Variants in ABCA1 observed in about 807,000 individuals in gnomAD.
ABCA1 encodes the protein phospholipid-transporting ATPase ABCA1.
A neutral mutation model predicts 262.5 loss-of-function variants in ABCA1; 133 were observed. The ratio of observed to expected loss-of-function variants is 0.51; its 90% CI spans 0.44 to 0.59. The LOEUF is 0.59. ABCA1 is among the 20% of genes least tolerant of loss of function. The probability of loss-of-function intolerance (pLI) is 0.00; values close to 1 mark genes in which losing one functional copy is unlikely to be tolerated. For synonymous variants in ABCA1, 1,022 were observed against 1,043.5 expected (o/e 0.98, Z 0.40); for missense variants, 2,452 against 2,777.5 (o/e 0.88, Z 2.63).
intron 1 of ABCA1, among the ~76,000 whole-genome samples, chr9:104,913,916 C>T (rs1460475437): frequency 1.3e-5 from 2 of 152,098 alleles, no homozygotes; most frequent in African/African-American, 4.8e-5. Context: ...CTGCCTCAGC[C>T]TCCCGAGTAG....
At chr9:104,831,157 A>C in intron 13 of ABCA1, 56 bp from the exon 14 acceptor site, 1 of 1,441,186 alleles carries the variant, frequency 6.9e-7, no homozygotes, top group Non-Finnish European at 9.3e-7. Context: ...AATAAAAAAA[A>C]AAAAAAAAAA....
chr9:104,864,907 C>T (rs932275511), intron 5 of ABCA1, among the ~76,000 whole-genome samples: 4 of 152,214 alleles, frequency 2.6e-5, no homozygotes, highest in African/African-American at 9.7e-5. Flanking sequence ...CTCCAGCCTC[C>T]TATCAGTGAA....
chr9:104,922,224 T>C (rs903532270), intron 1 of ABCA1, among the ~76,000 whole-genome samples: 1 of 152,244 alleles, frequency 6.6e-6, no homozygotes, highest in Admixed American at 6.5e-5. Context: ...ATCAATTTTA[T>C]GTAAGCTTTT....
chr9:104,870,683 A>G (rs920986171), intron 5 of ABCA1, among the ~76,000 whole-genome samples: 4 of 152,156 alleles, frequency 2.6e-5, no homozygotes, highest in Non-Finnish European at 5.9e-5. Context: ...GTCTGTGTGA[A>G]GAGACCACCA....
rs760192129 is a variant in ABCA1, at chr9:104,825,735, A to C, written c.2490T>G (p.Phe830Leu). The C allele has an allele frequency of 6.2e-6, 10 of 1,614,262 alleles. No individual in the cohort carries two copies. The highest frequency in any genetic ancestry group is 7.6e-6 in the Non-Finnish European group (9 of 1,180,048). The change falls in exon 17 of 50, where the codon TTT becomes TTG. Residue 830 changes from phenylalanine (F) to leucine (L), a missense_variant. By Grantham distance (22) the Phe-to-Leu change is conservative (BLOSUM62 0). Around this residue, in one of 4 missense-constraint regions of ABCA1, gnomAD observed 1,032 missense variants for 1,089.7 expected, o/e 0.95. Coordinates refer to ENST00000374736, the MANE Select transcript of ABCA1 (RefSeq NM_005502.4). ...NLTTSVSMML[F>L]DTFLYGVMTW... ...TCATCACCCCATAGAGGAAGGTGTC[A>C]AACAGCATCATGGAGACCGAAGTGG...
Position 104,882,379 on chromosome 9 carries a change from C to T in ABCA1, c.421+660G>A, listed in dbSNP as rs557746333. On this transcript the variant is annotated intron_variant, in intron 5 of 49. Coordinates refer to ENST00000374736, the MANE Select transcript of ABCA1 (RefSeq NM_005502.4). ...ACTGGCTGCACTCAGCCAGCTGCTC[C>T]CACCAGCCTCTGTCCCCTTGCCAGG... Among the ~76,000 whole-genome samples the T allele has an allele frequency of 2.6e-5, 4 of 152,362 alleles. No homozygotes were observed. In the East Asian group the frequency reaches 5.8e-4, roughly 22 times the overall value.
At chr9:104,926,857 G>C (rs1826384572) in intron 1 of ABCA1, among the ~76,000 whole-genome samples, 1 of 152,228 alleles carries the variant, frequency 6.6e-6, no homozygotes, top group Admixed American at 6.5e-5. Flanking sequence ...ACGTGGGAGA[G>C]GGAGGATTGG....
rs747603093 is a variant in ABCA1 at position 104,812,680 on chromosome 9, C to T, written c.3944G>A (p.Gly1315Glu). Residue 1315 changes from glycine to glutamate, a missense_variant, in exon 28 of 50, where the codon GGG becomes GAG. Physicochemically the swap from Gly to Glu is moderately conservative, Grantham distance 98. Transcript: ENST00000374736. Reference protein sequence around the residue: ...TDLLSGMDGKGSYQVKGWKLT... With the variant: ...TDLLSGMDGKESYQVKGWKLT... ...TTTCCAGCCTTTCACCTGGTAGGAC[C>T]CTTTGCCATCCATCCCACTGAGCAA... The T allele has an allele frequency of 6.2e-7, 1 of 1,614,122 alleles. No individual in the cohort carries two copies. The highest frequency in any genetic ancestry group is 8.5e-7 in the Non-Finnish European group (1 of 1,180,052).
chr9:104,834,754 A>C (rs1015458687), intron 11 of ABCA1, among the ~76,000 whole-genome samples: 2 of 151,048 alleles, frequency 1.3e-5, no homozygotes, highest in African/African-American at 4.9e-5. Flanking sequence ...AATCAGTGTC[A>C]GAGGGTTCCA....
rs2150867 is a variant in ABCA1 at position 104,792,253 on chromosome 9, T to C, written c.5758-255A>G. ...TTTTTAGAACCGTATCATTCATTAT[T>C]ATCTACATAATTTTTCATCTATTCA... On this transcript the variant is annotated intron_variant, in intron 42 of 49. Transcript: ENST00000374736. 0.64 allele frequency among the ~76,000 whole-genome samples: 97,585 copies of C among 152,226 alleles called. 33,840 individuals carry two copies. Among genetic ancestry groups the C allele is most frequent in the Non-Finnish European group, 0.76 (51,748 of 68,014 alleles).
At chr9:104,894,648 C>G (rs1269550553) in intron 2 of ABCA1, among the ~76,000 whole-genome samples, 1 of 152,228 alleles carries the variant, frequency 6.6e-6, no homozygotes, top group African/African-American at 2.4e-5. Flanking sequence ...CAAAGCCACT[C>G]TGACTGAAGG....
At chr9:104,853,443 G>A (rs1835556821) in intron 7 of ABCA1, among the ~76,000 whole-genome samples, 1 of 152,168 alleles carries the variant, frequency 6.6e-6, no homozygotes, top group Non-Finnish European at 1.5e-5. Flanking sequence ...ACTGGAACGA[G>A]GACAGCTCTC....
rs1458690339 is a variant in ABCA1, at chr9:104,832,754, C to G, written c.1329G>C (p.Arg443Ser). The G allele has an allele frequency of 1.2e-6, 2 of 1,614,060 alleles. No individual in the cohort carries two copies. Among genetic ancestry groups the G allele is most frequent in the African/African-American group, 2.7e-5 (2 of 74,906 alleles). The change falls in exon 12 of 50, where the codon AGG (arginine) becomes AGC (serine). Residue 443 changes from arginine to serine, a missense_variant. By Grantham distance (110) the Arg-to-Ser change is moderately radical (BLOSUM62 -1). This residue lies in a region of ABCA1 where 1,032 missense variants were observed against 1,089.7 expected (regional missense o/e 0.95). Transcript: ENST00000374736. ...GCTGTTCCCAAAAGTGGTCATTGTC[C>G]CTGCTGTCCAACAGCATCTGCCATT... ...MDLVRMLLDSRDNDHFWEQQL... is the reference protein window; with the variant it reads ...MDLVRMLLDSSDNDHFWEQQL...
intron 24 of ABCA1, among the ~76,000 whole-genome samples, chr9:104,816,965 G>T (rs1421979771): frequency 6.6e-6 from 1 of 152,222 alleles, no homozygotes; most frequent in East Asian, 1.9e-4. Flanking sequence ...CTGGAAGGCT[G>T]TTCCTCATCT....
At chr9:104,802,634 G>A (rs990100761) in intron 33 of ABCA1, among the ~76,000 whole-genome samples, 1 of 152,216 alleles carries the variant, frequency 6.6e-6, no homozygotes, top group African/African-American at 2.4e-5. Context: ...CCTGGCCCTT[G>A]GGGAAAAGGC....
intron 2 of ABCA1, among the ~76,000 whole-genome samples, chr9:104,890,196 A>C (rs1839587833): frequency 6.6e-6 from 1 of 152,250 alleles, no homozygotes. Context: ...TGTGTTTCAG[A>C]GTAATTATAA....
chr9:104,837,033 T>C lies in ABCA1; in HGVS notation c.1258A>G (p.Ser420Gly), dbSNP rs1452789755. 1.1e-5 allele frequency: 17 copies of C among 1,614,154 alleles called. No individual in the cohort carries two copies. Among genetic ancestry groups the C allele is most frequent in the Non-Finnish European group, 1.4e-5 (17 of 1,180,044 alleles). Reference sequence around the variant, plus strand: ...TCCATGAAGGTCCAGATCTTGGGGCTGAGTTCCTCCCACATGCCTTCCAGA... The same window carrying C: ...TCCATGAAGGTCCAGATCTTGGGGCCGAGTTCCTCCCACATGCCTTCCAGA... ...HDLEGMWEEL[S>G]PKIWTFMENS... is the part of the protein sequence containing the mutation. Residue 420 changes from serine to glycine, a missense_variant, in exon 11 of 50, where the codon AGC becomes GGC. Ser to Gly is a moderately conservative substitution (Grantham distance 56). Around this residue, in one of 4 missense-constraint regions of ABCA1, gnomAD observed 1,032 missense variants for 1,089.7 expected, o/e 0.95. Coordinates refer to ENST00000374736, the MANE Select transcript of ABCA1 (RefSeq NM_005502.4).
intron 33 of ABCA1, among the ~76,000 whole-genome samples, chr9:104,802,478 G>A (rs1830422517): frequency 6.6e-6 from 1 of 152,164 alleles, no homozygotes; most frequent in South Asian, 2.1e-4. Flanking sequence ...TGTGGGTCTG[G>A]AGGCAAGCAG....
At chr9:104,858,088 C>G (rs1836004127) in intron 7 of ABCA1, among the ~76,000 whole-genome samples, 1 of 152,080 alleles carries the variant, frequency 6.6e-6, no homozygotes, top group East Asian at 1.9e-4. Flanking sequence ...ATTCCAGGGC[C>G]TTCCAACTGT....
Sources: allele counts gnomAD v4.1 joint callset (sites outside exome capture counted in the v4.1 genomes callset), GRCh38; gene constraint gnomAD v4.1.1; regional missense constraint gnomAD v4.1.1; transcripts MANE v1.5; gene names NCBI Gene and HGNC (gene_info 2026-07-23, HGNC 2026-07-21).